The following ZNF41 variants were observed in gnomAD, a reference collection of about 807,000 sequenced individuals.
ZNF41 encodes zinc finger protein 41.
In ZNF41, 6 loss-of-function variants were observed where a neutral mutation model predicts 9.3. The ratio of observed to expected loss-of-function variants is 0.65; its 90% CI spans 0.35 to 1.28. ZNF41 has a LOEUF of 1.28. Ranked by LOEUF, ZNF41 falls within the 50% of genes most tolerant of loss-of-function variation. The probability of loss-of-function intolerance (pLI) is 0.03; values close to 1 mark genes in which losing one functional copy is unlikely to be tolerated. For missense variants in ZNF41, 523 were observed against 585.8 expected (o/e 0.89, Z 1.11); for synonymous variants, 192 against 207.1 (o/e 0.93, Z 0.63).
chrX:47,450,176 C>G (rs1418519250), intron 4 of ZNF41, among the ~76,000 whole-genome samples: 1 of 111,462 alleles, frequency 9.0e-6, no homozygotes, highest in African/African-American at 3.3e-5. Context: ...GACATTTGCA[C>G]TCCAACTTTA....
chrX:47,481,550 GTT>G (rs1193425990), intron 1 of ZNF41, among the ~76,000 whole-genome samples: 1 of 112,142 alleles, frequency 8.9e-6, no homozygotes, highest in Admixed American at 9.4e-5. Flanking sequence ...GGGAGGCTAA[GTT>G]GGGAGGATCG....
chrX:47,476,302 G>A (rs745564773), intron 1 of ZNF41, among the ~76,000 whole-genome samples: 172 of 111,255 alleles, frequency 1.5e-3, no homozygotes, highest in African/African-American at 5.3e-3. Context: ...GCAGTGAGCC[G>A]AGATGGCACC....
At position 47,447,579 on chromosome X, in the gene ZNF41, T is replaced by C; in HGVS notation, c.2191A>G (p.Lys731Glu). 2 of 1,212,086 alleles carry C rather than the reference T, an allele frequency of 1.7e-6. No homozygotes were observed. Among genetic ancestry groups the C allele is most frequent in the African/African-American group, 1.7e-5 (1 of 57,907 alleles). Residue 731 changes from lysine to glutamate, a missense_variant, in exon 5 of 5, where the codon AAA becomes GAA. Transcript: ENST00000684689. Reference protein sequence around the residue: ...CSKCGKAFIQKATLSMHQIIH... With the variant: ...CSKCGKAFIQEATLSMHQIIH... ...ATCTGATGCATACTTAGTGTGGCTTTCTGGATGAAAGCTTTCCCACATTTA... is the reference window on the plus strand; with the variant it reads ...ATCTGATGCATACTTAGTGTGGCTTCCTGGATGAAAGCTTTCCCACATTTA...
chrX:47,454,653 A>T (rs961406355), intron 4 of ZNF41, among the ~76,000 whole-genome samples: 5 of 111,443 alleles, frequency 4.5e-5, no homozygotes, highest in African/African-American at 1.6e-4. Flanking sequence ...AGCCTCCATG[A>T]CTAGGTGAGT....
Position 47,448,801 on chromosome X carries a change from T to C in ZNF41, c.969A>G (p.Gly323=). Residue 323 remains glycine (G), a synonymous_variant, in exon 5 of 5, where the codon GGA becomes GGG. Transcript: ENST00000684689. ...QVDVHPSVYT[G]EKPYLCTQCG... is the part of the protein sequence containing the mutation. ...ATTGAGTACACAGATAGGGTTTTTC[T>C]CCTGTATAAACACTTGGATGTACAT... The C allele has an allele frequency of 8.3e-6, 10 of 1,211,853 alleles. 1 individual carries two copies. In the South Asian group the frequency reaches 1.8e-4, roughly 21 times the overall value.
intron 2 of ZNF41, among the ~76,000 whole-genome samples, chrX:47,466,454 AC>A (rs1456282317): frequency 9.0e-6 from 1 of 110,763 alleles, no homozygotes; most frequent in Non-Finnish European, 1.9e-5. Context: ...CAGTCAGGAG[AC>A]CTGGCTCCAG....
rs1478052830 is a variant in ZNF41, at chrX:47,448,425, T to C, written c.1345A>G (p.Ile449Val). ...TGTGTGTTGAAATGTGATTTCTGGA[T>C]GAAGGCCTTCCCACAGTCAGCGCAT... ...YVCADCGKAFIQKSHFNTHQR... is the reference protein window; with the variant it reads ...YVCADCGKAFVQKSHFNTHQR... Residue 449 changes from isoleucine (I) to valine (V), a missense_variant, in exon 5 of 5, where the codon ATC (isoleucine) becomes GTC (valine). Coordinates refer to ENST00000684689, the MANE Select transcript of ZNF41 (RefSeq NM_001324144.2). The C allele has an allele frequency of 2.5e-6, 3 of 1,211,981 alleles. No homozygotes were observed. Among genetic ancestry groups the C allele is most frequent in the Non-Finnish European group, 3.3e-6 (3 of 895,622 alleles).
At chrX:47,461,255 G>T (rs1276817559) in intron 2 of ZNF41, among the ~76,000 whole-genome samples, 1 of 106,636 alleles carries the variant, frequency 9.4e-6, no homozygotes, top group Non-Finnish European at 1.9e-5. Context: ...CCACCATCAC[G>T]CCTAACCAAT....
chrX:47,455,960 A>C lies in ZNF41; in HGVS notation c.256T>G (p.Trp86Gly). Residue 86 changes from tryptophan to glycine, a missense_variant, in exon 4 of 5, where the codon TGG (tryptophan) becomes GGG (glycine). Trp to Gly is a radical substitution (Grantham distance 184). Transcript: ENST00000684689. ...TGTGGGGCTTCCCCCTCCAGCATCC[A>C]TGGCCCCTCTCCTTGCTCCAACTTG... ...AFKLEQGEGP[W>G]MLEGEAPHQS... The C allele has an allele frequency of 8.3e-7, 1 of 1,211,699 alleles. No individual in the cohort carries two copies. Among genetic ancestry groups the C allele is most frequent in the Non-Finnish European group, 1.1e-6 (1 of 895,474 alleles).
chrX:47,465,624 G>A (rs893381834), intron 2 of ZNF41, among the ~76,000 whole-genome samples: 4 of 110,563 alleles, frequency 3.6e-5, no homozygotes, highest in Non-Finnish European at 7.6e-5. Context: ...GGGAGGCCAA[G>A]GCAGGAAGAT....
chrX:47,462,449 G>A (rs773333357), intron 2 of ZNF41, among the ~76,000 whole-genome samples: 3 of 110,216 alleles, frequency 2.7e-5, no homozygotes, highest in South Asian at 3.9e-4. Context: ...TTCTTTTATC[G>A]CTTTCTTTGA....
chrX:47,463,092 T>G (rs1274002316), intron 2 of ZNF41, among the ~76,000 whole-genome samples: 1 of 110,201 alleles, frequency 9.1e-6, no homozygotes, highest in Non-Finnish European at 1.9e-5. Context: ...TCCCAAAGTG[T>G]TGGGATTACA....
At chrX:47,451,896 C>G (rs2056383833) in intron 4 of ZNF41, among the ~76,000 whole-genome samples, 2 of 111,980 alleles carry the variant, frequency 1.8e-5, no homozygotes, top group Non-Finnish European at 3.8e-5. Flanking sequence ...CTCCAAAACT[C>G]CCAAATATCC....
Position 47,447,938 on chromosome X carries a change from T to C in ZNF41, c.1832A>G (p.Glu611Gly), listed in dbSNP as rs1354715553. Residue 611 changes from glutamate (E) to glycine (G), a missense_variant, in exon 5 of 5, where the codon GAA (glutamate) becomes GGA (glycine). Coordinates refer to ENST00000684689, the MANE Select transcript of ZNF41 (RefSeq NM_001324144.2). ...TTTCTGGATAAAGGCCTTCCCGCAT[T>C]CAGGACAAACGTACGGTTTCTCTCC... ...HTGEKPYVCP[E>G]CGKAFIQKSH... 7.4e-6 allele frequency: 9 copies of C among 1,210,086 alleles called. No individual in the cohort carries two copies. Among genetic ancestry groups the C allele is most frequent in the African/African-American group, 1.7e-5 (1 of 57,179 alleles).
chrX:47,471,151 T>G (rs2057179570), intron 1 of ZNF41, among the ~76,000 whole-genome samples: 1 of 111,097 alleles, frequency 9.0e-6, no homozygotes, highest in Non-Finnish European at 1.9e-5. Context: ...CACCATTTAT[T>G]GAAAAGCCTA....
At chrX:47,481,075 G>A (rs981807885) in intron 1 of ZNF41, among the ~76,000 whole-genome samples, 2 of 111,516 alleles carry the variant, frequency 1.8e-5, no homozygotes, top group African/African-American at 6.5e-5. Context: ...TAACCCAGTG[G>A]TAAGAGTGAA....
chrX:47,475,320 A>G (rs1272431992), intron 1 of ZNF41, among the ~76,000 whole-genome samples: 3 of 110,509 alleles, frequency 2.7e-5, no homozygotes, highest in Admixed American at 9.8e-5. Flanking sequence ...GCAAACATAC[A>G]CTACCAAAAT....
chrX:47,473,514 A>G (rs2057252033), intron 1 of ZNF41, among the ~76,000 whole-genome samples: 1 of 112,096 alleles, frequency 8.9e-6, no homozygotes, highest in Admixed American at 9.5e-5. Flanking sequence ...CATTCAACGC[A>G]TACAAATAAA....
In ZNF41 at chrX:47,449,257, G is replaced by C; in HGVS notation, c.513C>G (p.Asn171Lys). 3 of 1,210,940 alleles carry C rather than the reference G, an allele frequency of 2.5e-6. No homozygotes were observed. Among genetic ancestry groups the C allele is most frequent in the Non-Finnish European group, 3.4e-6 (3 of 895,184 alleles). The change falls in exon 5 of 5, where the codon AAC (asparagine) becomes AAG (lysine). Residue 171 changes from asparagine to lysine, a missense_variant. Transcript: ENST00000684689. Reference sequence around the variant, plus strand: ...TAGTCACATGAATTATTTTTTCAATGTTTTTATGTTCATAGCCCCTCTCCT... The same window carrying C: ...TAGTCACATGAATTATTTTTTCAATCTTTTTATGTTCATAGCCCCTCTCCT... ...LIKERGYEHK[N>K]IEKIIHVTTK...
Sources: gnomAD v4.1 joint callset for allele counts (sites outside exome capture counted in the v4.1 genomes callset) on GRCh38, gnomAD v4.1.1 for gene constraint, MANE v1.5 for transcripts, NCBI Gene and HGNC (gene_info 2026-07-23, HGNC 2026-07-21) for gene names.